CNTNAP5: variants seen among roughly 807,000 people sequenced by gnomAD.
CNTNAP5 encodes the protein contactin associated protein family member 5.
CNTNAP5 carries 72 observed loss-of-function variants against 150.2 expected under a neutral mutation model. The ratio of observed to expected loss-of-function variants is 0.48; its 90% CI spans 0.40 to 0.58. CNTNAP5 has a LOEUF of 0.58. Ranked by LOEUF, CNTNAP5 falls within the 20% of genes least tolerant of loss-of-function variation. CNTNAP5 has a pLI of 0.00. For missense variants in CNTNAP5, 1,636 were observed against 1,626.2 expected (o/e 1.01, Z -0.10); for synonymous variants, 672 against 619.8 (o/e 1.08, Z -1.25).
chr2:124,909,826 C>CATATATATACATAT (rs1678616809), intron 22 of CNTNAP5, among the ~76,000 whole-genome samples: 1 of 74,612 alleles, frequency 1.3e-5, no homozygotes, highest in Non-Finnish European at 2.5e-5. Flanking sequence ...CAATTGGTGA[C>CATATATATACATAT]ATATATATAT....
chr2:124,755,785 A>G (rs1439677419), intron 14 of CNTNAP5, among the ~76,000 whole-genome samples: 1 of 152,182 alleles, frequency 6.6e-6, no homozygotes, highest in Non-Finnish European at 1.5e-5. Context: ...AATTCATGTA[A>G]TAACACTTAG....
chr2:124,559,120 G>T (rs1695827756), intron 10 of CNTNAP5, among the ~76,000 whole-genome samples: 4 of 152,180 alleles, frequency 2.6e-5, no homozygotes, highest in Non-Finnish European at 5.9e-5. Context: ...TGGACTGTGA[G>T]CTTAGGTCCA....
chr2:124,289,388 G>C (rs1246527889), intron 3 of CNTNAP5, among the ~76,000 whole-genome samples: 1 of 152,140 alleles, frequency 6.6e-6, no homozygotes, highest in Non-Finnish European at 1.5e-5. Flanking sequence ...AAGTGATATA[G>C]ATATAAAATT....
At chr2:124,767,937 G>A (rs78940639) in intron 16 of CNTNAP5, among the ~76,000 whole-genome samples, 5,423 of 152,210 alleles carry the variant, frequency 0.036, 313 homozygotes, top group African/African-American at 0.12. Flanking sequence ...CCAGCCTTAC[G>A]AGCAATCCTC....
intron 3 of CNTNAP5, among the ~76,000 whole-genome samples, chr2:124,337,996 G>A (rs1350817653): frequency 3.3e-5 from 5 of 152,296 alleles, no homozygotes; most frequent in Admixed American, 3.3e-4. Flanking sequence ...TCCTACCCAT[G>A]AGCATGAAGT....
intron 1 of CNTNAP5, among the ~76,000 whole-genome samples, chr2:124,043,954 C>T (rs1213952): frequency 0.17 from 26,131 of 152,178 alleles, 2,592 homozygotes; most frequent in Middle Eastern, 0.23. Context: ...CCCAGATCTT[C>T]CCCATGGGCC....
chr2:124,152,060 A>G (rs1373897501), intron 1 of CNTNAP5, among the ~76,000 whole-genome samples: 1 of 152,220 alleles, frequency 6.6e-6, no homozygotes, highest in Non-Finnish European at 1.5e-5. Context: ...GACTGAAACT[A>G]TGGGAAGTGG....
At chr2:124,660,366 AC>A (rs1278578454) in intron 13 of CNTNAP5, among the ~76,000 whole-genome samples, 15 of 152,204 alleles carry the variant, frequency 9.9e-5, no homozygotes, top group Non-Finnish European at 2.2e-4. Context: ...AGATGAAAGC[AC>A]TAGTACAGGC....
intron 13 of CNTNAP5, among the ~76,000 whole-genome samples, chr2:124,693,867 C>T (rs1192016042): frequency 6.7e-6 from 1 of 149,724 alleles, no homozygotes; most frequent in Non-Finnish European, 1.5e-5. Context: ...AACCAACCAG[C>T]TTGACTGTTG....
intron 13 of CNTNAP5, among the ~76,000 whole-genome samples, chr2:124,715,888 G>T (rs1241829567): frequency 1.3e-5 from 2 of 152,070 alleles, no homozygotes; most frequent in Non-Finnish European, 2.9e-5. Flanking sequence ...TGACTACCAA[G>T]TCCCCTTCTC....
At chr2:124,703,906 T>A (rs1042461744) in intron 13 of CNTNAP5, among the ~76,000 whole-genome samples, 2 of 152,178 alleles carry the variant, frequency 1.3e-5, no homozygotes, top group Non-Finnish European at 1.5e-5. Flanking sequence ...CAGGACTAAA[T>A]GGGGTTTAAA....
Position 124,025,504 on chromosome 2 carries a change from C to T in CNTNAP5, c.-147C>T. On this transcript the variant is annotated 5_prime_UTR_variant, in exon 1 of 24. Transcript: ENST00000682447. Reference sequence around the variant, plus strand: ...CCACGGTTTCGGTGGAGCGTCTGGGCACGGGATGGAGTGAAAGAGCGAGTG... The same window carrying T: ...CCACGGTTTCGGTGGAGCGTCTGGGTACGGGATGGAGTGAAAGAGCGAGTG... 1.5e-6 allele frequency: 1 copy of T among 659,656 alleles called. No homozygotes were observed. Among genetic ancestry groups the T allele is most frequent in the South Asian group, 1.7e-5 (1 of 57,524 alleles). 40.9% of individuals were successfully genotyped at this position (659,656 alleles called of 1,614,324 possible). A position where few individuals can be genotyped will look rare whatever the true frequency, so the allele number is the denominator to read the frequency against.
chr2:124,646,532 A>G (rs1465204432), intron 12 of CNTNAP5, among the ~76,000 whole-genome samples: 1 of 152,202 alleles, frequency 6.6e-6, no homozygotes, highest in Non-Finnish European at 1.5e-5. Context: ...TAATGATGTA[A>G]TTATGCGGGC....
At chr2:124,675,958 A>C (rs1037897620) in intron 13 of CNTNAP5, among the ~76,000 whole-genome samples, 3 of 152,096 alleles carry the variant, frequency 2.0e-5, no homozygotes, top group African/African-American at 7.2e-5. Flanking sequence ...AGGACATTTC[A>C]GATAATATAA....
chr2:124,780,047 T>C (rs978174437), intron 17 of CNTNAP5, among the ~76,000 whole-genome samples: 2 of 152,126 alleles, frequency 1.3e-5, no homozygotes, highest in African/African-American at 4.8e-5. Context: ...AAGGCAGAGC[T>C]CCCCGTGCCG....
chr2:124,512,916 T>G (rs1271117402), intron 8 of CNTNAP5, among the ~76,000 whole-genome samples: 5 of 152,312 alleles, frequency 3.3e-5, no homozygotes, highest in South Asian at 2.1e-4. Context: ...AAATAAAATA[T>G]GTCATCCTGT....
chr2:124,880,835 A>T (rs1025390570), intron 21 of CNTNAP5, among the ~76,000 whole-genome samples: 3 of 152,230 alleles, frequency 2.0e-5, no homozygotes, highest in South Asian at 2.1e-4. Flanking sequence ...TCATAAAAAG[A>T]AGAGATCATT....
At chr2:124,826,239 T>A (rs1205165589) in intron 19 of CNTNAP5, among the ~76,000 whole-genome samples, 2 of 152,176 alleles carry the variant, frequency 1.3e-5, no homozygotes, top group African/African-American at 4.8e-5. Context: ...TCCAAAGTAT[T>A]TGTCTTGCTG....
At chr2:124,146,109 A>T (rs977983735) in intron 1 of CNTNAP5, among the ~76,000 whole-genome samples, 2 of 152,132 alleles carry the variant, frequency 1.3e-5, no homozygotes, top group African/African-American at 4.8e-5. Flanking sequence ...AGAAAGGGAG[A>T]TGGAGGCACA....
Sources: allele counts gnomAD v4.1 joint callset (sites outside exome capture counted in the v4.1 genomes callset), GRCh38; gene constraint gnomAD v4.1.1; transcripts MANE v1.5; gene names NCBI Gene and HGNC (gene_info 2026-07-23, HGNC 2026-07-21).